Variants in TNFAIP3 observed in about 807,000 individuals in gnomAD.
The protein encoded by TNFAIP3 is tumor necrosis factor alpha-induced protein 3.
Under a neutral mutation model 72.4 loss-of-function variants are expected in TNFAIP3, and 9 were observed. The observed-to-expected ratio is 0.12, with a 90% CI of 0.07 to 0.22. The LOEUF (loss-of-function observed/expected upper bound fraction) is 0.22, where lower values mean the gene tolerates loss of function less well. TNFAIP3 is among the 10% of genes least tolerant of loss of function. The pLI, the probability that TNFAIP3 is intolerant of heterozygous loss-of-function variation, is 1.00. For missense variants in TNFAIP3, 833 were observed against 1,018.7 expected (o/e 0.82, Z 2.48); for synonymous variants, 339 against 372.6 (o/e 0.91, Z 1.04).
rs996990695 is a variant in TNFAIP3, at chr6:137,871,224, C to CTGA, written c.-4_-3insTGA. ...CCTTTCCTTTTCAGGTGTTGGAGAG[C>CTGA]ACAATGGCTGAACAAGTCCTTCCTC... is the stretch of plus-strand genomic sequence containing the variant. On this transcript the variant is annotated 5_prime_UTR_variant, in exon 2 of 9. Coordinates refer to ENST00000612899, the MANE Select transcript of TNFAIP3 (RefSeq NM_001270508.2). This position sits in a 1 kb window ranked among gnomAD's most constrained non-coding sequence, Gnocchi z 4.2. The CTGA allele has an allele frequency of 2.5e-5, 40 of 1,606,826 alleles. No individual in the cohort carries two copies. The highest frequency in any genetic ancestry group is 3.1e-5 in the Non-Finnish European group (36 of 1,176,084).
In TNFAIP3 at chr6:137,879,113, T is replaced by C. The variant is rs1299008512; in HGVS notation, c.1668T>C (p.Pro556=). The C allele has an allele frequency of 1.9e-6, 3 of 1,614,042 alleles. No homozygotes were observed. Among genetic ancestry groups the C allele is most frequent in the African/African-American group, 2.7e-5 (2 of 74,910 alleles). ...EASSSLSTSL[P]PSCHQRSKSD... Reference sequence around the variant, plus strand: ...CCTCCAGCCTCAGCACCAGCCTCCCTCCTTCCTGTCACCAGCGTTCCAAGT... The same window carrying C: ...CCTCCAGCCTCAGCACCAGCCTCCCCCCTTCCTGTCACCAGCGTTCCAAGT... The change falls in exon 7 of 9, where the codon CCT becomes CCC. Residue 556 remains proline (P), a synonymous_variant. Coordinates refer to ENST00000612899, the MANE Select transcript of TNFAIP3 (RefSeq NM_001270508.2).
rs573172680 is a variant in TNFAIP3, at chr6:137,881,263, G to C, written c.2317G>C (p.Ala773Pro). 6 of 1,593,304 alleles carry C rather than the reference G, an allele frequency of 3.8e-6. No individual in the cohort carries two copies. Among genetic ancestry groups the C allele is most frequent in the Non-Finnish European group, 5.1e-6 (6 of 1,169,924 alleles). ...RAPACDHFGN[A>P]KCNGYCNECF... ...CCCCGCCTGTGATCATTTTGGCAAT[G>C]CCAAGTGCAACGGCTACTGCAACGA... The change falls in exon 9 of 9, where the codon GCC (alanine) becomes CCC (proline). Residue 773 changes from alanine (A) to proline (P), a missense_variant. Physicochemically the swap from Ala to Pro is conservative, Grantham distance 27 (BLOSUM62 -1). This residue lies in a region of TNFAIP3 where 587 missense variants were observed against 657.8 expected (regional missense o/e 0.89). Coordinates refer to ENST00000612899, the MANE Select transcript of TNFAIP3 (RefSeq NM_001270508.2). The surrounding 1 kb of genome is among the most constrained non-coding windows in gnomAD (Gnocchi z 5.0).
chr6:137,879,263 G>A lies in TNFAIP3; in HGVS notation c.1818G>A (p.Lys606=), dbSNP rs2114505779. The change falls in exon 7 of 9, where the codon AAG becomes AAA. Residue 606 remains lysine (K), a synonymous_variant. Coordinates refer to ENST00000612899, the MANE Select transcript of TNFAIP3 (RefSeq NM_001270508.2). ...CTGGGGACAGGACGGGGACGAGCAA[G>A]TGCAGAAAAGCCGGCTGCGTGTATT... ...RTPGDRTGTS[K]CRKAGCVYFG... 6.2e-7 allele frequency: 1 copy of A among 1,614,228 alleles called. No homozygotes were observed. Among genetic ancestry groups the A allele is most frequent in the Non-Finnish European group, 8.5e-7 (1 of 1,180,030 alleles).
rs571690143 is a variant in TNFAIP3, at chr6:137,876,519, C to G, written c.805+353C>G. 9.8e-4 allele frequency among the ~76,000 whole-genome samples: 149 copies of G among 152,064 alleles called. 2 individuals carry two copies. The highest frequency in any genetic ancestry group is 3.3e-3 in the African/African-American group (136 of 41,332). The stretch of plus-strand genomic sequence containing the variant: ...GGAGTGCAGTGGCACAATCATGGCT[C>G]ATTGCAGCCTCCACCCCCTGGGCTC... On this transcript the variant is annotated intron_variant, in intron 5 of 8. Coordinates refer to ENST00000612899, the MANE Select transcript of TNFAIP3 (RefSeq NM_001270508.2).
intron 2 of TNFAIP3, 62 bp from the exon 3 acceptor site, chr6:137,874,783 T>C (rs1241741985): frequency 6.5e-7 from 1 of 1,543,392 alleles, no homozygotes; most frequent in African/African-American, 1.4e-5. Flanking sequence ...CTGAAAACCT[T>C]TGCTGGGTCT....
At chr6:137,873,332 G>A (rs775348120) in intron 2 of TNFAIP3, among the ~76,000 whole-genome samples, 8 of 152,188 alleles carry the variant, frequency 5.3e-5, no homozygotes, top group Non-Finnish European at 8.8e-5. Flanking sequence ...TGAGACTGCG[G>A]TGAATGAGGA....
rs774035516 is a variant in TNFAIP3, at chr6:137,874,866, A to G, written c.317A>G (p.His106Arg). The G allele has an allele frequency of 6.2e-7, 1 of 1,613,856 alleles. No individual in the cohort carries two copies. Among genetic ancestry groups the G allele is most frequent in the Admixed American group, 1.7e-5 (1 of 59,984 alleles). The change falls in exon 3 of 9, where the codon CAT (histidine) becomes CGT (arginine). Residue 106 changes from histidine (H) to arginine (R), a missense_variant. Physicochemically the swap from His to Arg is conservative, Grantham distance 29. Transcript: ENST00000612899. Reference protein sequence around the residue: ...KTNGDGNCLMHATSQYMWGVQ... With the variant: ...KTNGDGNCLMRATSQYMWGVQ... ...TCAGGTGACGGCAATTGCCTCATGC[A>G]TGCCACTTCTCAGTACATGTGGGGC...
rs771065534 is a variant in TNFAIP3 at position 137,879,311 on chromosome 6, C to T, written c.1866C>T (p.Gly622=). ...CVYFGTPENK[G]FCTLCFIEYR... ...ATTTTGGGACTCCAGAAAACAAGGG[C>T]TTTTGCACACTGTGTTTCATCGAGT... The change falls in exon 7 of 9, where the codon GGC becomes GGT. Residue 622 remains glycine (G), a synonymous_variant. Coordinates refer to ENST00000612899, the MANE Select transcript of TNFAIP3 (RefSeq NM_001270508.2). 4 of 1,614,134 alleles carry T rather than the reference C, an allele frequency of 2.5e-6. No individual in the cohort carries two copies. The highest frequency in any genetic ancestry group is 3.4e-6 in the Non-Finnish European group (4 of 1,180,012).
Position 137,877,190 on chromosome 6 carries a change from T to A in TNFAIP3, c.920T>A (p.Leu307Ter). ...EMKEKLLKEY[L>*]MVIEIPVQGW... is the part of the protein sequence containing the mutation. ...AAGGAGAAGCTCTTAAAAGAGTACT[T>A]AATGGTGATAGAAATCCCCGTCCAA... Residue 307 changes from leucine to a stop codon, truncating the protein, a stop_gained, in exon 6 of 9, where the codon TTA becomes TAA. Coordinates refer to ENST00000612899, the MANE Select transcript of TNFAIP3 (RefSeq NM_001270508.2). LOFTEE classifies it high-confidence loss of function. 1 of 1,613,922 alleles carries A rather than the reference T, an allele frequency of 6.2e-7. No homozygotes were observed. Among genetic ancestry groups the A allele is most frequent in the Non-Finnish European group, 8.5e-7 (1 of 1,179,926 alleles).
At chr6:137,877,309 C>G (rs886141966) in intron 6 of TNFAIP3, 53 bp downstream of exon 6, 86 of 1,504,052 alleles carry the variant, frequency 5.7e-5, no homozygotes, top group Admixed American at 3.7e-4. Flanking sequence ...TGTCTTTAAC[C>G]TCAGCCACCT....
At chr6:137,872,765 A>G (rs1288612624) in intron 2 of TNFAIP3, among the ~76,000 whole-genome samples, 1 of 152,210 alleles carries the variant, frequency 6.6e-6, no homozygotes, top group Non-Finnish European at 1.5e-5. Flanking sequence ...ATGTGAAGTC[A>G]TCATCACGGG....
In TNFAIP3 at chr6:137,871,408, C is replaced by A; in HGVS notation, c.181C>A (p.Arg61=). 1 of 1,614,132 alleles carries A rather than the reference C, an allele frequency of 6.2e-7. No homozygotes were observed. Among genetic ancestry groups the A allele is most frequent in the Non-Finnish European group, 8.5e-7 (1 of 1,180,034 alleles). ...AACTTGCCAGTTTTGTCCTCAGTTT[C>A]GGGAGATCATCCACAAAGCCCTCAT... ...FRTCQFCPQF[R]EIIHKALIDR... is the part of the protein sequence containing the mutation. The change falls in exon 2 of 9, where the codon CGG becomes AGG. Residue 61 remains arginine (R), a synonymous_variant. Transcript: ENST00000612899. The surrounding 1 kb of genome is among the most constrained non-coding windows in gnomAD (Gnocchi z 4.2).
intron 3 of TNFAIP3, 87 bp downstream of exon 3, chr6:137,875,122 TC>T: frequency 6.8e-7 from 1 of 1,460,302 alleles, no homozygotes; most frequent in Non-Finnish European, 9.5e-7. Flanking sequence ...TCTGGTAGCA[TC>T]TGATGGACTA....
rs1441916951 is a variant in TNFAIP3, at chr6:137,876,111, C to T, written c.750C>T (p.Leu250=). 7 of 1,614,050 alleles carry T rather than the reference C, an allele frequency of 4.3e-6. No homozygotes were observed. Among genetic ancestry groups the T allele is most frequent in the African/African-American group, 1.3e-5 (1 of 74,920 alleles). Residue 250 remains leucine (L), a synonymous_variant, in exon 5 of 9, where the codon CTC becomes CTT. Transcript: ENST00000612899. ...AATGCTACAGATACCCCATTGTTCT[C>T]GGCTATGACAGCCATCATTTTGTAC... The part of the protein sequence containing the change: ...AQECYRYPIV[L]GYDSHHFVPL...
chr6:137,867,031 G>A (rs1157899598), upstream of TNFAIP3: 2 of 149,912 alleles, frequency 1.3e-5, no homozygotes, highest in African/African-American at 4.9e-5. The surrounding 1 kb of genome is among the most constrained non-coding windows in gnomAD (Gnocchi z 6.0). Flanking sequence ...GCGCCTGCAG[G>A]GACCGGGCGG....
Position 137,882,776 on chromosome 6 carries a change from C to G in TNFAIP3, c.*1457C>G, listed in dbSNP as rs1341159750. On this transcript the variant is annotated 3_prime_UTR_variant, in exon 9 of 9. Transcript: ENST00000612899. ...ACCCTGGTATTGGGACAGCAAAAGC[C>G]AGTAACCATGAGTATGAGGAAATCT... The G allele has an allele frequency of 8.6e-6, 2 of 231,518 alleles. No individual in the cohort carries two copies. Among genetic ancestry groups the G allele is most frequent in the African/African-American group, 4.4e-5 (2 of 45,130 alleles). 14.3% of individuals were successfully genotyped at this position (231,518 alleles called of 1,614,324 possible).
chr6:137,868,909 T>A (rs1377602985), intron 1 of TNFAIP3, among the ~76,000 whole-genome samples: 1 of 152,220 alleles, frequency 6.6e-6, no homozygotes, highest in African/African-American at 2.4e-5. Flanking sequence ...CATTTGCATG[T>A]CTTGCCTATG....
Position 137,871,144 on chromosome 6 carries a change from G to T in TNFAIP3, c.-15-69G>T, listed in dbSNP as rs2114455532. 4 of 1,432,286 alleles carry T rather than the reference G, an allele frequency of 2.8e-6. No individual in the cohort carries two copies. Among genetic ancestry groups the T allele is most frequent in the South Asian group, 2.8e-5 (2 of 71,438 alleles). The allele number at this position is 1,432,286 out of a possible 1,614,324, so 88.7% of individuals were successfully genotyped here. On this transcript the variant is annotated intron_variant, in intron 1 of 8. Transcript: ENST00000612899. This position sits in a 1 kb window ranked among gnomAD's most constrained non-coding sequence, Gnocchi z 4.2. ...GATCAAACACTGGGGTTTCCTGCAG[G>T]CAGCTATAGAGGAGTCGTATTAAAG...
intron 8 of TNFAIP3, among the ~76,000 whole-genome samples, chr6:137,880,658 C>T (rs1246179617): frequency 1.3e-5 from 2 of 151,458 alleles, no homozygotes; most frequent in Admixed American, 6.6e-5. Flanking sequence ...CCTGCCTCCA[C>T]CTAATGGCGC....
Sources: gnomAD v4.1 joint callset for allele counts (sites outside exome capture counted in the v4.1 genomes callset) on GRCh38, gnomAD v4.1.1 for gene constraint, gnomAD v4.1.1 regional missense constraint, Gnocchi (gnomAD v3.1) non-coding constraint, MANE v1.5 for transcripts, NCBI Gene and HGNC (gene_info 2026-07-23, HGNC 2026-07-21) for gene names.